Variants in RBFOX3 observed in about 807,000 individuals in gnomAD.
RBFOX3 encodes the protein RNA binding fox-1 homolog 3, also known as RNA binding protein fox-1 homolog 3.
Under a neutral mutation model 48.7 loss-of-function variants are expected in RBFOX3, and 17 were observed. That is an observed-to-expected ratio of 0.35 (90% CI 0.24 to 0.52). The LOEUF is 0.52. Ranked by LOEUF, RBFOX3 falls within the 20% of genes least tolerant of loss-of-function variation. The pLI is 0.94. For synonymous variants in RBFOX3, 212 were observed against 209.5 expected (o/e 1.01, Z -0.10); for missense variants, 382 against 497.5 (o/e 0.77, Z 2.21).
chr17:79,132,361 C>A (rs2039135295), intron 4 of RBFOX3, among the ~76,000 whole-genome samples: 2 of 152,154 alleles, frequency 1.3e-5, no homozygotes, highest in Non-Finnish European at 2.9e-5. Context: ...CAATCACTGC[C>A]CCGGATGAGC....
At chr17:79,485,107 G>C (rs1234096088) in intron 1 of RBFOX3, among the ~76,000 whole-genome samples, 2 of 152,152 alleles carry the variant, frequency 1.3e-5, no homozygotes, top group Non-Finnish European at 1.5e-5. Context: ...CCAAAGCAGA[G>C]GCTGCCCAGG....
intron 4 of RBFOX3, among the ~76,000 whole-genome samples, chr17:79,209,705 C>T (rs553266340): frequency 9.9e-5 from 15 of 152,186 alleles, no homozygotes; most frequent in African/African-American, 2.9e-4. Context: ...TATGAAAGGA[C>T]GGCGCTGGCC....
intron 3 of RBFOX3, among the ~76,000 whole-genome samples, chr17:79,294,921 G>C (rs1334110124): frequency 2.6e-5 from 4 of 152,204 alleles, no homozygotes; most frequent in African/African-American, 9.6e-5. Flanking sequence ...GCTTTCTAAA[G>C]TTTTGTCCAT....
intron 1 of RBFOX3, among the ~76,000 whole-genome samples, chr17:79,514,529 G>A (rs1278543867): frequency 6.6e-6 from 1 of 152,210 alleles, no homozygotes; most frequent in African/African-American, 2.4e-5. Flanking sequence ...ACAAAGCACC[G>A]CTGTCTCCTG....
At chr17:79,116,180 T>A (rs2033901427) in intron 4 of RBFOX3, among the ~76,000 whole-genome samples, 1 of 152,174 alleles carries the variant, frequency 6.6e-6, no homozygotes, top group African/African-American at 2.4e-5. Flanking sequence ...GATACTGACA[T>A]GGATTCACAC....
chr17:79,643,088 T>C, the RBFOX3 span, among the ~76,000 whole-genome samples: 11 of 152,100 alleles, frequency 7.2e-5, no homozygotes, highest in African/African-American at 2.2e-4. Context: ...AGCAACAAAG[T>C]TGGACCCTGT....
intron 2 of RBFOX3, among the ~76,000 whole-genome samples, chr17:79,337,980 C>T (rs182814428): frequency 2.8e-3 from 427 of 151,582 alleles, no homozygotes; most frequent in African/African-American, 9.9e-3. Context: ...ACAGTGTCAC[C>T]CAGGTTGGAG....
In RBFOX3 at chr17:79,203,321, G is replaced by C. The variant is rs1021161400; in HGVS notation, c.-34+32445C>G. Among the ~76,000 whole-genome samples the C allele has an allele frequency of 8.3e-5, 11 of 133,286 alleles. No homozygotes were observed. In the Admixed American group the frequency reaches 8.9e-4, roughly 11 times the overall value. 87.4% of individuals were successfully genotyped at this position (133,286 alleles called of 152,430 possible). A position where few individuals can be genotyped will look rare whatever the true frequency, so the allele number is the denominator to read the frequency against. On this transcript the variant is annotated intron_variant, in intron 4 of 14. Transcript: ENST00000693108. ...TGCTGTTCCTGTGGCAGTGGTTTGA[G>C]GGTGAAGGGGCGTGTAAGGACTGTG...
At chr17:79,287,934 A>G (rs9302892) in intron 3 of RBFOX3, among the ~76,000 whole-genome samples, 149,990 of 152,280 alleles carry the variant, frequency 0.98, 73,917 homozygotes, top group Middle Eastern at 1. Context: ...GCGGCTGTGC[A>G]TGGGACGCGC....
At chr17:79,488,780 G>A (rs2080046555) in intron 1 of RBFOX3, among the ~76,000 whole-genome samples, 1 of 152,208 alleles carries the variant, frequency 6.6e-6, no homozygotes, top group South Asian at 2.1e-4. Flanking sequence ...ACAGAAAGAA[G>A]ACAGAAAGGG....
chr17:79,561,594 C>T (rs980380386), intron 1 of RBFOX3, among the ~76,000 whole-genome samples: 1 of 152,152 alleles, frequency 6.6e-6, no homozygotes, highest in African/African-American at 2.4e-5. Flanking sequence ...AAAAGCGGTG[C>T]GTGTTGGTGA....
intron 4 of RBFOX3, among the ~76,000 whole-genome samples, chr17:79,225,085 A>G (rs1256222217): frequency 6.6e-6 from 1 of 152,110 alleles, no homozygotes; most frequent in Non-Finnish European, 1.5e-5. Flanking sequence ...CCATTCACAC[A>G]CGTCACCTAT....
intron 2 of RBFOX3, among the ~76,000 whole-genome samples, chr17:79,396,292 C>T (rs573535345): frequency 2.0e-4 from 31 of 152,242 alleles, no homozygotes; most frequent in Admixed American, 1.5e-3. Context: ...ACAGAGAAGC[C>T]CAAACTTGAA....
intron 1 of RBFOX3, among the ~76,000 whole-genome samples, chr17:79,574,073 C>T (rs1262465286): frequency 6.6e-6 from 1 of 152,134 alleles, no homozygotes; most frequent in East Asian, 1.9e-4. Flanking sequence ...AGGAAGGGAT[C>T]CAAAAGGAGA....
chr17:79,609,991 C>G (rs974372072), intron 1 of RBFOX3, among the ~76,000 whole-genome samples: 1 of 152,002 alleles, frequency 6.6e-6, no homozygotes, highest in Non-Finnish European at 1.5e-5. Context: ...CCGCGCTGCT[C>G]GAGGCCCTGG....
At chr17:79,496,248 C>T (rs1008233135) in intron 1 of RBFOX3, among the ~76,000 whole-genome samples, 70 of 152,136 alleles carry the variant, frequency 4.6e-4, no homozygotes, top group African/African-American at 1.6e-3. Flanking sequence ...GGACTCATTC[C>T]TTGGCGTCCT....
chr17:79,097,667 A>AACCCC, intron 10 of RBFOX3, 25 bp downstream of exon 10: 5 of 1,031,762 alleles, frequency 4.8e-6, no homozygotes, highest in African/African-American at 2.4e-5. Flanking sequence ...GTCTCATCCC[A>AACCCC]TCCCCGCCCC....
chr17:79,149,737 G>A (rs930185835), intron 4 of RBFOX3, among the ~76,000 whole-genome samples: 4 of 151,508 alleles, frequency 2.6e-5, no homozygotes, highest in Non-Finnish European at 5.9e-5. Flanking sequence ...GTCGAGTGGG[G>A]TCAGTAAACG....
intron 4 of RBFOX3, among the ~76,000 whole-genome samples, chr17:79,118,760 C>T (rs1373255262): frequency 1.3e-5 from 2 of 151,386 alleles, no homozygotes; most frequent in Admixed American, 1.3e-4. Flanking sequence ...ATTGCTTGAG[C>T]CCAGGAGTTC....
Sources: allele counts gnomAD v4.1 joint callset (sites outside exome capture counted in the v4.1 genomes callset), GRCh38; gene constraint gnomAD v4.1.1; transcripts MANE v1.5; gene names NCBI Gene and HGNC (gene_info 2026-07-23, HGNC 2026-07-21).